The following CTNNA1 variants were observed in gnomAD, a reference collection of about 807,000 sequenced individuals.
CTNNA1 encodes the protein catenin alpha 1.
CTNNA1 carries 37 observed loss-of-function variants against 98.4 expected under a neutral mutation model. The observed-to-expected ratio is 0.38, with a 90% confidence interval of 0.29 to 0.49. The LOEUF is 0.49. Among genes scored for constraint, CTNNA1 ranks in the 20% least tolerant of loss-of-function variants. The probability of loss-of-function intolerance (pLI) is 0.95; values close to 1 mark genes in which losing one functional copy is unlikely to be tolerated. For synonymous variants in CTNNA1, 404 were observed against 413.2 expected (o/e 0.98, Z 0.27); for missense variants, 761 against 1,147.2 (o/e 0.66, Z 4.86).
At chr5:138,753,710 A>G (rs1275595553) in intron 1 of CTNNA1, 200 bp downstream of exon 1, 1 of 320,834 alleles carries the variant, frequency 3.1e-6, no homozygotes, top group African/African-American at 2.2e-5. Flanking sequence ...CTTCCCCCGC[A>G]GGGCCCGAGT....
At chr5:138,795,838 G>A (rs964210093) in intron 3 of CTNNA1, among the ~76,000 whole-genome samples, 10 of 151,912 alleles carry the variant, frequency 6.6e-5, no homozygotes, top group Non-Finnish European at 4.4e-5. Flanking sequence ...GTGAACATGT[G>A]TTTTGATAGT....
chr5:138,900,169 T>A (rs906086838), intron 9 of CTNNA1, among the ~76,000 whole-genome samples: 1 of 152,210 alleles, frequency 6.6e-6, no homozygotes, highest in African/African-American at 2.4e-5. Flanking sequence ...GTTTTTGATT[T>A]TATTGTTATT....
rs138610692 is a variant in CTNNA1, at chr5:138,920,218, G to A, written c.1546+2320G>A. Among the ~76,000 whole-genome samples the A allele has an allele frequency of 1.4e-3, 217 of 152,210 alleles. 1 individual carries two copies. The highest frequency in any genetic ancestry group is 4.8e-3 in the African/African-American group (201 of 41,540). On this transcript the variant is annotated intron_variant, in intron 11 of 17. Coordinates refer to ENST00000302763, the MANE Select transcript of CTNNA1 (RefSeq NM_001903.5). The stretch of plus-strand genomic sequence containing the variant: ...TTGTCTCAAACTCCTGACCTCAGGT[G>A]ATCCACCCGCTTCAGCCTCCCAAAG...
intron 3 of CTNNA1, chr5:138,791,050 T>G (rs1166501282): frequency 6.6e-6 from 1 of 152,182 alleles, no homozygotes; most frequent in Non-Finnish European, 1.5e-5. Flanking sequence ...TAGAGTAAGT[T>G]CTTTTACTAA....
chr5:138,843,160 A>G (rs1762412652), intron 7 of CTNNA1, among the ~76,000 whole-genome samples: 1 of 152,228 alleles, frequency 6.6e-6, no homozygotes, highest in Non-Finnish European at 1.5e-5. Context: ...GAGATGTATG[A>G]TTTGTTTAAA....
intron 3 of CTNNA1, among the ~76,000 whole-genome samples, chr5:138,784,434 T>A (rs924871269): frequency 1.3e-5 from 2 of 152,212 alleles, no homozygotes; most frequent in Non-Finnish European, 2.9e-5. Context: ...AAATGGGCAG[T>A]GCCTTAGATG....
At chr5:138,812,459 T>TATTG (rs1363134611) in intron 5 of CTNNA1, among the ~76,000 whole-genome samples, 157 bp downstream of exon 5, 2 of 152,244 alleles carry the variant, frequency 1.3e-5, no homozygotes, top group African/African-American at 2.4e-5. Flanking sequence ...TATTGTGCTG[T>TATTG]TAATAAAGTT....
intron 3 of CTNNA1, among the ~76,000 whole-genome samples, chr5:138,787,169 G>A (rs1347075006): frequency 2.0e-5 from 3 of 152,332 alleles, no homozygotes; most frequent in African/African-American, 2.4e-5. Context: ...GATGGCTCAC[G>A]CCTGTAATCC....
chr5:138,809,299 A>G (rs956460333), intron 3 of CTNNA1, among the ~76,000 whole-genome samples: 1 of 152,244 alleles, frequency 6.6e-6, no homozygotes, highest in African/African-American at 2.4e-5. Context: ...TACGAAATGT[A>G]AAGAGGCCGT....
intron 5 of CTNNA1, among the ~76,000 whole-genome samples, chr5:138,822,139 C>A (rs1380541926): frequency 6.6e-6 from 1 of 152,124 alleles, no homozygotes; most frequent in African/African-American, 2.4e-5. Context: ...GTGATAAGGG[C>A]AAGACAATTA....
chr5:138,854,578 T>C (rs1172851736), intron 7 of CTNNA1, among the ~76,000 whole-genome samples: 1 of 152,168 alleles, frequency 6.6e-6, no homozygotes, highest in Admixed American at 6.5e-5. Context: ...GCGTAAAATA[T>C]AGAAATTATG....
rs1580907792 is a variant in CTNNA1 at position 138,930,485 on chromosome 5, C to T, written c.2023C>T (p.Gln675Ter). The T allele has an allele frequency of 2.5e-6, 4 of 1,612,142 alleles. No individual in the cohort carries two copies. Among genetic ancestry groups the T allele is most frequent in the Non-Finnish European group, 1.7e-6 (2 of 1,178,998 alleles). The part of the protein sequence containing the change: ...AGQSARAIMA[Q>*]LPQEQKAKIA... The stretch of plus-strand genomic sequence containing the variant: ...CTTCTGATCACAGGCGATCATGGCT[C>T]AGCTTCCCCAGGAGCAAAAAGCGAA... The change falls in exon 15 of 18, where the codon CAG (glutamine) becomes TAG (stop). Residue 675 changes from glutamine (Q) to a stop codon, truncating the protein, a stop_gained. Transcript: ENST00000302763. LOFTEE classifies it high-confidence loss of function.
At chr5:138,808,856 C>G (rs1758380369) in intron 3 of CTNNA1, among the ~76,000 whole-genome samples, 1 of 151,964 alleles carries the variant, frequency 6.6e-6, no homozygotes, top group South Asian at 2.1e-4. Context: ...GTGGACAAGA[C>G]ACAACACTGG....
intron 10 of CTNNA1, 159 bp downstream of exon 10, chr5:138,904,600 TTTTG>T: frequency 2.0e-6 from 2 of 1,001,148 alleles, no homozygotes; most frequent in Non-Finnish European, 2.8e-6. Flanking sequence ...TTGGAATATT[TTTTG>T]TTTAACATTA....
intron 7 of CTNNA1, chr5:138,869,058 C>T (rs1330996116): frequency 6.6e-6 from 1 of 150,742 alleles, no homozygotes; most frequent in Non-Finnish European, 1.5e-5. Context: ...CACCTCCCAC[C>T]CAAAAAGAAA....
intron 7 of CTNNA1, chr5:138,875,784 GT>G (rs1751360894): frequency 1.1e-6 from 1 of 934,642 alleles, no homozygotes; most frequent in Admixed American, 6.2e-5. Flanking sequence ...CAGTTGCCTT[GT>G]TGTCATGCTT....
chr5:138,841,011 G>C (rs1762223675), intron 7 of CTNNA1, among the ~76,000 whole-genome samples: 1 of 152,166 alleles, frequency 6.6e-6, no homozygotes, highest in African/African-American at 2.4e-5. Context: ...GGAGACAGGA[G>C]ATTTCCTCCT....
At chr5:138,818,897 C>G (rs1759727169) in intron 5 of CTNNA1, among the ~76,000 whole-genome samples, 1 of 152,148 alleles carries the variant, frequency 6.6e-6, no homozygotes, top group African/African-American at 2.4e-5. Flanking sequence ...ACTGTGGCAC[C>G]TGGATCTTGG....
chr5:138,894,608 T>C (rs1305618767), intron 9 of CTNNA1, among the ~76,000 whole-genome samples: 2 of 152,086 alleles, frequency 1.3e-5, no homozygotes, highest in East Asian at 3.9e-4. Flanking sequence ...TAGTCTGCAC[T>C]GCCATCTCTC....
Sources: allele counts gnomAD v4.1 joint callset (sites outside exome capture counted in the v4.1 genomes callset), GRCh38; gene constraint gnomAD v4.1.1; transcripts MANE v1.5; gene names NCBI Gene and HGNC (gene_info 2026-07-23, HGNC 2026-07-21).